The following CAMTA1 variants were observed in gnomAD, a reference collection of about 807,000 sequenced individuals.
CAMTA1 encodes calmodulin binding transcription activator 1.
CAMTA1 carries 27 observed loss-of-function variants against 170.9 expected under a neutral mutation model. The observed-to-expected ratio is 0.16, with a 90% confidence interval of 0.12 to 0.22. The LOEUF is 0.22. CAMTA1 is among the 10% of genes least tolerant of loss of function. CAMTA1 has a pLI of 1.00. For synonymous variants in CAMTA1, 833 were observed against 891.5 expected (o/e 0.93, Z 1.17); for missense variants, 1,619 against 2,217.2 (o/e 0.73, Z 5.42).
In CAMTA1 at chr1:7,092,997, G is replaced by C. The variant is rs1397097561; in HGVS notation, c.302+1626G>C. Among the ~76,000 whole-genome samples, 1 of 152,220 alleles carries C rather than the reference G, an allele frequency of 6.6e-6. No homozygotes were observed. Among genetic ancestry groups the C allele is most frequent in the Non-Finnish European group, 1.5e-5 (1 of 68,050 alleles). On this transcript the variant is annotated intron_variant, in intron 4 of 22. Transcript: ENST00000303635. This position sits in a 1 kb window ranked among gnomAD's most constrained non-coding sequence, Gnocchi z 5.0. ...GGCCAAGCCCAGTAAGAATGGGGCT[G>C]GGAAGGACATCCCTCCACAGAGTGG...
chr1:7,271,138 T>C (rs967137657), intron 5 of CAMTA1, among the ~76,000 whole-genome samples: 1 of 152,130 alleles, frequency 6.6e-6, no homozygotes, highest in Non-Finnish European at 1.5e-5. Flanking sequence ...TATGGTTAAA[T>C]GAGGTCATAG....
At chr1:7,464,568 G>A (rs1259820931) in intron 5 of CAMTA1, among the ~76,000 whole-genome samples, 1 of 152,162 alleles carries the variant, frequency 6.6e-6, no homozygotes, top group African/African-American at 2.4e-5. Context: ...GGTCAGGGCT[G>A]GGCTGTAGGG....
chr1:7,273,818 T>G (rs1224427007), intron 5 of CAMTA1, among the ~76,000 whole-genome samples: 1 of 152,182 alleles, frequency 6.6e-6, no homozygotes, highest in African/African-American at 2.4e-5. Flanking sequence ...GCAAAGTGTG[T>G]GACAACAATG....
In CAMTA1 at chr1:7,640,417, G is replaced by T; in HGVS notation, c.528G>T (p.Leu176=). Residue 176 remains leucine (L), a synonymous_variant, in exon 7 of 23, where the codon CTG becomes CTT. Transcript: ENST00000303635. ...YWLLQNPDIV[L]VHYLNVPAIE... The stretch of plus-strand genomic sequence containing the variant: ...CCCCACAGAACCCCGACATCGTCCT[G>T]GTGCACTACCTGAACGTGCCGGCCA... 5 of 1,614,102 alleles carry T rather than the reference G, an allele frequency of 3.1e-6. No homozygotes were observed. Among genetic ancestry groups the T allele is most frequent in the Non-Finnish European group, 4.2e-6 (5 of 1,180,026 alleles).
At chr1:7,213,783 T>C (rs1274240877) in intron 4 of CAMTA1, among the ~76,000 whole-genome samples, 7 of 145,056 alleles carry the variant, frequency 4.8e-5, no homozygotes, top group Admixed American at 2.1e-4. Context: ...AACAGGCCCC[T>C]GTGTGCAATG....
At chr1:7,284,603 A>C (rs1672090768) in intron 5 of CAMTA1, among the ~76,000 whole-genome samples, 1 of 152,178 alleles carries the variant, frequency 6.6e-6, no homozygotes, top group African/African-American at 2.4e-5. Flanking sequence ...CTAACTGCAG[A>C]GTAAGTCCTT....
intron 1 of CAMTA1, among the ~76,000 whole-genome samples, chr1:6,811,845 T>C (rs1210089366): frequency 6.6e-6 from 1 of 152,230 alleles, no homozygotes; most frequent in Non-Finnish European, 1.5e-5. Context: ...TTTCTTGGCG[T>C]CCACCTCATT....
intron 4 of CAMTA1, among the ~76,000 whole-genome samples, chr1:7,198,172 T>G (rs974674222): frequency 6.6e-6 from 1 of 151,978 alleles, no homozygotes; most frequent in Non-Finnish European, 1.5e-5. Flanking sequence ...CTTGCCTTTC[T>G]CTTGCATAAA....
intron 4 of CAMTA1, among the ~76,000 whole-genome samples, chr1:7,199,812 A>G: frequency 6.6e-6 from 1 of 152,314 alleles, no homozygotes; most frequent in East Asian, 1.9e-4. Context: ...TAGATATACA[A>G]AAAGATAAAT....
At chr1:6,886,077 G>A (rs1673129619) in intron 3 of CAMTA1, among the ~76,000 whole-genome samples, 1 of 152,152 alleles carries the variant, frequency 6.6e-6, no homozygotes, top group Non-Finnish European at 1.5e-5. Context: ...AAGGGTGCTG[G>A]TCCTCCCTTA....
rs1411128317 is a variant in CAMTA1 at position 7,665,695 on chromosome 1, A to T, written c.2652+496A>T. 6.6e-6 allele frequency among the ~76,000 whole-genome samples: 1 copy of T among 152,118 alleles called. No homozygotes were observed. Among genetic ancestry groups the T allele is most frequent in the Non-Finnish European group, 1.5e-5 (1 of 68,022 alleles). On this transcript the variant is annotated intron_variant, in intron 9 of 22. Coordinates refer to ENST00000303635, the MANE Select transcript of CAMTA1 (RefSeq NM_015215.4). This position sits in a 1 kb window ranked among gnomAD's most constrained non-coding sequence, Gnocchi z 4.3. ...GTACCACTGCACTCCAGTCCGGATG[A>T]CAGAGTGAAACCCTGTCTCAAAAAA...
chr1:6,834,499 G>A, intron 3 of CAMTA1: 1 of 257,468 alleles, frequency 3.9e-6, no homozygotes, highest in Non-Finnish European at 7.5e-6. Context: ...TCCTGCACTT[G>A]GCGGGGTAGC....
Position 6,887,792 on chromosome 1 carries a change from G to T in CAMTA1, c.234+62582G>T. On this transcript the variant is annotated intron_variant, in intron 3 of 22. Transcript: ENST00000303635. This position sits in a 1 kb window ranked among gnomAD's most constrained non-coding sequence, Gnocchi z 4.1. ...TCCCATCCTGCCAGCCCCATGTCTG[G>T]CTTTAAGACAGTTCTATTAGTGAAT... The T allele has an allele frequency of 6.6e-7, 1 of 1,523,974 alleles. No individual in the cohort carries two copies. Among genetic ancestry groups the T allele is most frequent in the Non-Finnish European group, 8.8e-7 (1 of 1,141,648 alleles). 94.4% of individuals were successfully genotyped at this position (1,523,974 alleles called of 1,614,324 possible).
chr1:7,649,642 T>A (rs1447773451), intron 7 of CAMTA1, among the ~76,000 whole-genome samples: 5 of 152,230 alleles, frequency 3.3e-5, no homozygotes, highest in Non-Finnish European at 7.3e-5. Context: ...CAGCTAGTTT[T>A]ATGGAGCCGA....
chr1:7,750,907 A>G, intron 19 of CAMTA1: 1 of 461,734 alleles, frequency 2.2e-6, no homozygotes, highest in Non-Finnish European at 4.1e-6. Context: ...TTAGATTCAT[A>G]AACGTCTAAG....
At chr1:6,978,649 T>C (rs554451151) in intron 3 of CAMTA1, among the ~76,000 whole-genome samples, 1 of 149,718 alleles carries the variant, frequency 6.7e-6, no homozygotes, top group East Asian at 1.9e-4. Context: ...AATACATATA[T>C]ATAGTTAATA....
intron 4 of CAMTA1, among the ~76,000 whole-genome samples, chr1:7,227,599 G>T (rs1661952958): frequency 6.6e-6 from 1 of 152,186 alleles, no homozygotes. Context: ...AAATTGCTGG[G>T]ATTACAGGCA....
In CAMTA1 at chr1:7,595,359, T is replaced by C. The variant is rs920388717; in HGVS notation, c.511-45041T>C. On this transcript the variant is annotated intron_variant, in intron 6 of 22. Coordinates refer to ENST00000303635, the MANE Select transcript of CAMTA1 (RefSeq NM_015215.4). ...CGAGGCAAGGCAGAGAGCCCTTTAA[T>C]GGAGCATTGAGAAGCAGTTTTTAAA... is the stretch of plus-strand genomic sequence containing the variant. 2.0e-5 allele frequency among the ~76,000 whole-genome samples: 3 copies of C among 152,262 alleles called. No homozygotes were observed. In the East Asian group the frequency reaches 5.8e-4, roughly 29 times the overall value.
At chr1:6,951,128 C>G (rs1688411936) in intron 3 of CAMTA1, among the ~76,000 whole-genome samples, 1 of 152,214 alleles carries the variant, frequency 6.6e-6, no homozygotes, top group South Asian at 2.1e-4. Context: ...AAGACAGGTC[C>G]TAGAGGAGGG....
Sources: allele counts gnomAD v4.1 joint callset (sites outside exome capture counted in the v4.1 genomes callset), GRCh38; gene constraint gnomAD v4.1.1; non-coding constraint Gnocchi (gnomAD v3.1); transcripts MANE v1.5; gene names NCBI Gene and HGNC (gene_info 2026-07-23, HGNC 2026-07-21).